GABRB3: variants seen among roughly 807,000 people sequenced by gnomAD.
GABRB3 encodes gamma-aminobutyric acid type A receptor subunit beta3.
A neutral mutation model predicts 52.1 loss-of-function variants in GABRB3; 14 were observed. The observed-to-expected ratio is 0.27, with a 90% confidence interval of 0.18 to 0.42. The LOEUF (loss-of-function observed/expected upper bound fraction) is 0.42. Among genes scored for constraint, GABRB3 ranks in the 10% least tolerant of loss-of-function variants. The pLI is 1.00. For synonymous variants in GABRB3, 260 were observed against 232.3 expected (o/e 1.12, Z -1.08); for missense variants, 307 against 609.1 (o/e 0.50, Z 5.22).
intron 4 of GABRB3, among the ~76,000 whole-genome samples, chr15:26,605,842 G>A (rs1253182570): frequency 6.6e-6 from 1 of 152,128 alleles, no homozygotes; most frequent in African/African-American, 2.4e-5. Context: ...AACTACCTGA[G>A]ACTGGGTAAT....
intron 3 of GABRB3, among the ~76,000 whole-genome samples, chr15:26,737,949 G>A (rs1441240732): frequency 6.6e-6 from 1 of 152,074 alleles, no homozygotes; most frequent in Non-Finnish European, 1.5e-5. Flanking sequence ...AACTACAATG[G>A]GGCACGAGTC....
intron 3 of GABRB3, among the ~76,000 whole-genome samples, chr15:26,710,897 TC>T (rs1253518760): frequency 6.7e-6 from 1 of 149,782 alleles, no homozygotes; most frequent in Non-Finnish European, 1.5e-5. Flanking sequence ...AACACTTTGA[TC>T]TTTTTTTTTT....
At chr15:26,740,547 G>T in intron 3 of GABRB3, among the ~76,000 whole-genome samples, 1 of 151,980 alleles carries the variant, frequency 6.6e-6, no homozygotes, top group African/African-American at 2.4e-5. Flanking sequence ...CCACTCACTG[G>T]GTCTGTCTTC....
chr15:26,712,755 CG>C (rs1256389190), intron 3 of GABRB3, among the ~76,000 whole-genome samples: 1 of 152,092 alleles, frequency 6.6e-6, no homozygotes, highest in Non-Finnish European at 1.5e-5. Context: ...CCTGTGCCCA[CG>C]GCCACCTCGG....
intron 3 of GABRB3, among the ~76,000 whole-genome samples, chr15:26,717,795 G>A (rs1034013672): frequency 1.3e-4 from 20 of 152,292 alleles, no homozygotes; most frequent in African/African-American, 4.8e-4. Context: ...CGTCTTGTCA[G>A]TCTGGTATTT....
intron 3 of GABRB3, among the ~76,000 whole-genome samples, chr15:26,695,258 T>G (rs1441207319): frequency 2.0e-5 from 3 of 152,034 alleles, no homozygotes; most frequent in Non-Finnish European, 2.9e-5. Flanking sequence ...GAGAAGATCT[T>G]CAAGAAAGTC....
upstream of GABRB3, chr15:26,773,528 AC>A: frequency 1.5e-6 from 1 of 660,636 alleles, no homozygotes; most frequent in South Asian, 2.8e-5. Context: ...CCGCACGACG[AC>A]CACCGCCCGC....
At chr15:26,707,450 A>G (rs1889140076) in intron 3 of GABRB3, among the ~76,000 whole-genome samples, 1 of 152,178 alleles carries the variant, frequency 6.6e-6, no homozygotes, top group South Asian at 2.1e-4. Context: ...AATATCTAGG[A>G]TAGAGTCACT....
At chr15:26,649,701 TAGAG>T (rs1161555692) in intron 3 of GABRB3, among the ~76,000 whole-genome samples, 7 of 146,290 alleles carry the variant, frequency 4.8e-5, no homozygotes, top group African/African-American at 1.5e-4. Context: ...TGTGTGAAAT[TAGAG>T]AGGACAGGGA....
rs1168780318 is a variant in GABRB3, at chr15:26,547,399, G to T, written c.*394C>A. ...ACTTATGATAATACAAGACACATTT[G>T]GGGATGATATTGTGTTTCACGCCCT... is the stretch of plus-strand genomic sequence containing the variant. On this transcript the variant is annotated 3_prime_UTR_variant, in exon 9 of 9. Coordinates refer to ENST00000311550, the MANE Select transcript of GABRB3 (RefSeq NM_000814.6). 4.7e-6 allele frequency: 2 copies of T among 429,954 alleles called. No individual in the cohort carries two copies. The highest frequency in any genetic ancestry group is 8.2e-5 in the South Asian group (1 of 12,212). 26.6% of individuals were successfully genotyped at this position (429,954 alleles called of 1,614,324 possible).
intron 4 of GABRB3, among the ~76,000 whole-genome samples, chr15:26,586,397 A>ACACACACACACACACAC (rs149254517): frequency 2.1e-4 from 29 of 138,080 alleles, no homozygotes; most frequent in South Asian, 1.5e-3. Context: ...AACCACCCCT[A>ACACACACACACACACAC]ACACACACAC....
chr15:26,770,781 G>C (rs986035140), intron 3 of GABRB3, among the ~76,000 whole-genome samples: 4 of 152,212 alleles, frequency 2.6e-5, no homozygotes, highest in African/African-American at 9.6e-5. Context: ...CCCCAGTTGA[G>C]AAAATCACAG....
intron 3 of GABRB3, among the ~76,000 whole-genome samples, chr15:26,646,372 T>C (rs146672088): frequency 7.9e-5 from 12 of 152,346 alleles, no homozygotes; most frequent in Non-Finnish European, 1.8e-4. Context: ...GGTACATCTA[T>C]ATGGTAGCAT....
chr15:26,586,468 A>G lies in GABRB3; in HGVS notation c.462-3054T>C, dbSNP rs536231666. Among the ~76,000 whole-genome samples, 3 of 150,014 alleles carry G rather than the reference A, an allele frequency of 2.0e-5. No individual in the cohort carries two copies. In the South Asian group the frequency reaches 6.4e-4, roughly 32 times the overall value. On this transcript the variant is annotated intron_variant, in intron 4 of 8. Coordinates refer to ENST00000311550, the MANE Select transcript of GABRB3 (RefSeq NM_000814.6). ...CATGCCCAAATTGTTCGGGGACACCATGTGCAGTGGTCACATTATTGGAGG... is the reference window on the plus strand; with the variant it reads ...CATGCCCAAATTGTTCGGGGACACCGTGTGCAGTGGTCACATTATTGGAGG...
At chr15:26,647,273 T>C (rs1206697371) in intron 3 of GABRB3, among the ~76,000 whole-genome samples, 1 of 152,258 alleles carries the variant, frequency 6.6e-6, no homozygotes, top group African/African-American at 2.4e-5. Context: ...AGTTATATGC[T>C]TTGCAAATAT....
chr15:26,763,017 A>C lies in GABRB3; in HGVS notation c.240+9385T>G, dbSNP rs868416714. ...CTCAACAAAGAATATCGCACAATCA[A>C]TCCAGGTCCTCAGACAGGTATCCCC... On this transcript the variant is annotated intron_variant, in intron 3 of 8. Transcript: ENST00000311550. Among the ~76,000 whole-genome samples, 6 of 152,356 alleles carry C rather than the reference A, an allele frequency of 3.9e-5. 1 individual carries two copies. The highest frequency in any genetic ancestry group is 4.1e-4 in the South Asian group (2 of 4,828).
rs112120940 is a variant in GABRB3, at chr15:26,681,138, TAAAC to T, written c.241-59608_241-59605del. Among the ~76,000 whole-genome samples, 533 of 152,226 alleles carry T rather than the reference TAAAC, an allele frequency of 3.5e-3. 5 individuals carry two copies. Among genetic ancestry groups the T allele is most frequent in the African/African-American group, 0.012 (501 of 41,538 alleles). On this transcript the variant is annotated intron_variant, in intron 3 of 8. Coordinates refer to ENST00000311550, the MANE Select transcript of GABRB3 (RefSeq NM_000814.6). ...TCAATCTTTTGGATGTGATGAGAAA[TAAAC>T]AAACCAACCAACCAGCGGCATTTCT...
intron 3 of GABRB3, among the ~76,000 whole-genome samples, chr15:26,725,462 A>G (rs1889746468): frequency 6.6e-6 from 1 of 152,172 alleles, no homozygotes; most frequent in South Asian, 2.1e-4. Context: ...CACACACCAC[A>G]TTGGACAAAA....
At chr15:26,734,232 C>T (rs557735993) in intron 3 of GABRB3, among the ~76,000 whole-genome samples, 28 of 151,822 alleles carry the variant, frequency 1.8e-4, no homozygotes, top group African/African-American at 6.0e-4. Context: ...GGTTTCTTCA[C>T]GTTGGTCAGG....
Sources: gnomAD v4.1 joint callset for allele counts (sites outside exome capture counted in the v4.1 genomes callset) on GRCh38, gnomAD v4.1.1 for gene constraint, MANE v1.5 for transcripts, NCBI Gene and HGNC (gene_info 2026-07-23, HGNC 2026-07-21) for gene names.